Variants in DCAF5 observed in about 807,000 individuals in gnomAD.
The protein encoded by DCAF5 is DDB1- and CUL4-associated factor 5.
A neutral mutation model predicts 80.7 loss-of-function variants in DCAF5; 9 were observed. The ratio of observed to expected loss-of-function variants is 0.11; its 90% confidence interval spans 0.07 to 0.19. DCAF5 has a LOEUF of 0.19. Ranked by LOEUF, DCAF5 falls within the 10% of genes least tolerant of loss-of-function variation. The pLI, the probability that DCAF5 is intolerant of heterozygous loss-of-function variation, is 1.00. For synonymous variants in DCAF5, 433 were observed against 461.9 expected (o/e 0.94, Z 0.80); for missense variants, 842 against 1,205.7 (o/e 0.70, Z 4.47).
Position 69,118,004 on chromosome 14 carries a change from C to T in DCAF5, c.535+135G>A. 1.6e-6 allele frequency: 2 copies of T among 1,261,342 alleles called. No homozygotes were observed. Among genetic ancestry groups the T allele is most frequent in the Admixed American group, 1.8e-5 (1 of 54,540 alleles). 78.1% of individuals were successfully genotyped at this position (1,261,342 alleles called of 1,614,324 possible). A position where few individuals can be genotyped will look rare whatever the true frequency, so the allele number is the denominator to read the frequency against. ...AGGCCTCCAAAGACCTCTTATGCCC[C>T]CATGTGAGTGTTTCACATTTCCTTT... On this transcript the variant is annotated intron_variant, in intron 4 of 8. Coordinates refer to ENST00000341516, the MANE Select transcript of DCAF5 (RefSeq NM_003861.3). The surrounding 1 kb of genome is among the most constrained non-coding windows in gnomAD (Gnocchi z 4.0).
At chr14:69,091,917 A>C (rs767291617) in intron 5 of DCAF5, 30 bp from the exon 6 acceptor site, 2 of 1,571,608 alleles carry the variant, frequency 1.3e-6, no homozygotes, top group Admixed American at 3.6e-5. Flanking sequence ...GGAATCAGGC[A>C]TGAGATAGGC....
At chr14:69,102,107 CTTTTT>C (rs141874345) in intron 5 of DCAF5, among the ~76,000 whole-genome samples, 1 of 133,028 alleles carries the variant, frequency 7.5e-6, no homozygotes. Flanking sequence ...TTTACTATAA[CTTTTT>C]TTTTTTTTTT....
intron 1 of DCAF5, among the ~76,000 whole-genome samples, chr14:69,133,638 AC>A (rs1415726316): frequency 1.3e-5 from 2 of 152,284 alleles, no homozygotes; most frequent in African/African-American, 4.8e-5. Context: ...TATAGGGATA[AC>A]ATCTACAGGC....
chr14:69,113,033 T>A (rs1488016469), intron 5 of DCAF5, among the ~76,000 whole-genome samples: 1 of 152,022 alleles, frequency 6.6e-6, no homozygotes, highest in African/African-American at 2.4e-5. Context: ...ATTTTTTTTT[T>A]CTGCCAGCCA....
At chr14:69,137,577 G>A (rs1332456170) in intron 1 of DCAF5, among the ~76,000 whole-genome samples, 1 of 152,052 alleles carries the variant, frequency 6.6e-6, no homozygotes, top group Admixed American at 6.6e-5. Context: ...AATCAGTGAA[G>A]GCCCTAACAC....
At chr14:69,106,427 G>T (rs552198235) in intron 5 of DCAF5, among the ~76,000 whole-genome samples, 24 of 151,950 alleles carry the variant, frequency 1.6e-4, no homozygotes, top group African/African-American at 5.6e-4. Context: ...GGAGTGCAGT[G>T]GTGCAATCAT....
chr14:69,111,908 C>T (rs1317987185), intron 5 of DCAF5, among the ~76,000 whole-genome samples: 1 of 152,196 alleles, frequency 6.6e-6, no homozygotes, highest in Non-Finnish European at 1.5e-5. Context: ...AACTTTCCAA[C>T]TCCAGTGTCT....
intron 1 of DCAF5, among the ~76,000 whole-genome samples, chr14:69,142,296 G>A (rs376136351): frequency 2.6e-5 from 4 of 152,294 alleles, no homozygotes; most frequent in African/African-American, 9.6e-5. Flanking sequence ...TGAATAAAGT[G>A]GCAGGGCATG....
chr14:69,079,716 G>T (rs963456786), intron 6 of DCAF5, among the ~76,000 whole-genome samples: 4 of 152,122 alleles, frequency 2.6e-5, no homozygotes, highest in African/African-American at 9.7e-5. Context: ...GGAAGGGAAG[G>T]CAGAGTTGAT....
intron 1 of DCAF5, among the ~76,000 whole-genome samples, chr14:69,129,985 A>G (rs1488110971): frequency 6.6e-6 from 1 of 152,232 alleles, no homozygotes; most frequent in African/African-American, 2.4e-5. Context: ...AAAATGTACT[A>G]TAATCACATT....
In DCAF5 at chr14:69,142,249, G is replaced by A. The variant is rs544439738; in HGVS notation, c.214+10516C>T. On this transcript the variant is annotated intron_variant, in intron 1 of 8. Transcript: ENST00000341516. ...TGGAGGGTCAAAGCTACAGTGAGCC[G>A]TAACTGCCCCTGCACTCTGGTCTGA... 8.5e-5 allele frequency among the ~76,000 whole-genome samples: 13 copies of A among 152,290 alleles called. No homozygotes were observed. In the South Asian group the frequency reaches 1.5e-3, roughly 17 times the overall value.
At chr14:69,092,640 T>C (rs2039572097) in intron 5 of DCAF5, among the ~76,000 whole-genome samples, 1 of 152,242 alleles carries the variant, frequency 6.6e-6, no homozygotes, top group South Asian at 2.1e-4. Context: ...AATAGAAACT[T>C]GTTTATAATC....
intron 1 of DCAF5, among the ~76,000 whole-genome samples, chr14:69,143,247 G>GA (rs931184135): frequency 6.6e-5 from 10 of 151,794 alleles, no homozygotes; most frequent in South Asian, 2.1e-4. Flanking sequence ...GAATGAAGGA[G>GA]AAAAAAAATC....
intron 5 of DCAF5, among the ~76,000 whole-genome samples, chr14:69,114,584 A>G (rs897313225): frequency 9.9e-5 from 15 of 152,214 alleles, no homozygotes; most frequent in African/African-American, 3.6e-4. Flanking sequence ...CTCTGGAGTG[A>G]CTACAGACAC....
At position 69,054,886 on chromosome 14, in the gene DCAF5, A is replaced by G. The variant is rs1566715127; in HGVS notation, c.1800T>C (p.Ser600=). The change falls in exon 9 of 9, where the codon AGT becomes AGC. Residue 600 remains serine, a synonymous_variant. Coordinates refer to ENST00000341516, the MANE Select transcript of DCAF5 (RefSeq NM_003861.3). ...AAGTGTTGGTGGGCTTGATTGGGGC[A>G]CTGGGCTTGTCTTCTCGGGTTGTCT... The part of the protein sequence containing the change: ...RQKTTREDKP[S]APIKPTNTYI... 4.3e-6 allele frequency: 7 copies of G among 1,613,906 alleles called. No homozygotes were observed. The highest frequency in any genetic ancestry group is 5.1e-6 in the Non-Finnish European group (6 of 1,179,996).
chr14:69,059,307 C>T (rs1481059615), intron 8 of DCAF5, among the ~76,000 whole-genome samples: 1 of 152,122 alleles, frequency 6.6e-6, no homozygotes, highest in Non-Finnish European at 1.5e-5. Flanking sequence ...ACAATAGGGA[C>T]TCTTCTCCTA....
intron 1 of DCAF5, among the ~76,000 whole-genome samples, chr14:69,134,493 G>A (rs1288830324): frequency 2.0e-5 from 3 of 152,284 alleles, no homozygotes; most frequent in East Asian, 1.9e-4. Flanking sequence ...GCACATTTAC[G>A]ACCTCCTTAA....
chr14:69,152,992 C>CCGCCGCCGCTCG lies in DCAF5; in HGVS notation c.-26_-15dup, dbSNP rs1324126407. On this transcript the variant is annotated 5_prime_UTR_variant, in exon 1 of 9. Transcript: ENST00000341516. The surrounding 1 kb of genome is among the most constrained non-coding windows in gnomAD (Gnocchi z 4.1). Reference sequence around the variant, plus strand: ...TCTCCTCTTCATGCTGGAACCGCCGCCGCCGCCGCTCGCGCCGCCGCCCCT... The same window carrying CCGCCGCCGCTCG: ...TCTCCTCTTCATGCTGGAACCGCCGCCGCCGCCGCTCGCGCCGCCGCTCGCGCCGCCGCCCCT... 1.2e-5 allele frequency: 18 copies of CCGCCGCCGCTCG among 1,547,392 alleles called. No individual in the cohort carries two copies. The highest frequency in any genetic ancestry group is 1.5e-5 in the Non-Finnish European group (17 of 1,152,842).
At chr14:69,058,573 G>A (rs1188187080) in intron 8 of DCAF5, among the ~76,000 whole-genome samples, 1 of 148,420 alleles carries the variant, frequency 6.7e-6, no homozygotes, top group Non-Finnish European at 1.5e-5. Context: ...TCTCATAATC[G>A]GGCAAAGTTC....
Sources: gnomAD v4.1 joint callset for allele counts (sites outside exome capture counted in the v4.1 genomes callset) on GRCh38, gnomAD v4.1.1 for gene constraint, Gnocchi (gnomAD v3.1) non-coding constraint, MANE v1.5 for transcripts, NCBI Gene and HGNC (gene_info 2026-07-23, HGNC 2026-07-21) for gene names.